The following INPP5A variants were observed in gnomAD, a reference collection of about 807,000 sequenced individuals.
INPP5A encodes the protein 43 kDa inositol polyphosphate 5-phophatase.
Under a neutral mutation model 65.2 loss-of-function variants are expected in INPP5A, and 14 were observed. That is an observed-to-expected ratio of 0.21 (90% CI 0.14 to 0.34). The LOEUF is 0.34. Among genes scored for constraint, INPP5A ranks in the 10% least tolerant of loss-of-function variants. The pLI, the probability that INPP5A is intolerant of heterozygous loss-of-function variation, is 1.00. For missense variants in INPP5A, 431 were observed against 545.6 expected, an observed-to-expected ratio of 0.79 and a Z score of 2.09; for synonymous variants, 207 against 208.3, an observed-to-expected ratio of 0.99 and a Z score of 0.05.
intron 1 of INPP5A, among the ~76,000 whole-genome samples, chr10:132,606,527 C>T (rs1373906630): frequency 1.3e-5 from 2 of 152,230 alleles, no homozygotes; most frequent in Non-Finnish European, 2.9e-5. Flanking sequence ...AGGGTGTTCT[C>T]GGCTCGGTCC....
intron 13 of INPP5A, among the ~76,000 whole-genome samples, chr10:132,780,624 C>T (rs976346762): frequency 9.2e-5 from 14 of 152,374 alleles, no homozygotes; most frequent in South Asian, 2.1e-4. Context: ...GGGCCAGGGT[C>T]AAGGTGCTGA....
chr10:132,702,816 T>C (rs1845457994), intron 6 of INPP5A, among the ~76,000 whole-genome samples: 1 of 152,182 alleles, frequency 6.6e-6, no homozygotes, highest in African/African-American at 2.4e-5. Context: ...CCATGGGCTG[T>C]CCTAGCAGAG....
At position 132,616,457 on chromosome 10, in the gene INPP5A, C is replaced by T. The variant is rs531545573; in HGVS notation, c.117+8501C>T. 6.6e-6 allele frequency among the ~76,000 whole-genome samples: 1 copy of T among 151,824 alleles called. No individual in the cohort carries two copies. The highest frequency in any genetic ancestry group is 2.1e-4 in the South Asian group (1 of 4,810). On this transcript the variant is annotated intron_variant, in intron 2 of 15. Coordinates refer to ENST00000368594, the MANE Select transcript of INPP5A (RefSeq NM_005539.5). The surrounding 1 kb of genome is among the most constrained non-coding windows in gnomAD (Gnocchi z 4.9). Reference sequence around the variant, plus strand: ...TGTGGTATTGGGAACATGGTGGTGACGCAGGATGTGGTGGTGGTGTAGAAT... The same window carrying T: ...TGTGGTATTGGGAACATGGTGGTGATGCAGGATGTGGTGGTGGTGTAGAAT...
At chr10:132,609,727 C>T (rs1259422457) in intron 2 of INPP5A, among the ~76,000 whole-genome samples, 1 of 152,344 alleles carries the variant, frequency 6.6e-6, no homozygotes, top group Admixed American at 6.5e-5. Flanking sequence ...TCACTGCAAG[C>T]TCCACCTCCC....
Position 132,707,151 on chromosome 10 carries a change from C to T in INPP5A, c.475-1162C>T, listed in dbSNP as rs1412000501. ...ACTCCAGATTCCCATCTGCTTTCATCTCCTCAGCAGACCTTAGGGTGTGGT... is the reference window on the plus strand; with the variant it reads ...ACTCCAGATTCCCATCTGCTTTCATTTCCTCAGCAGACCTTAGGGTGTGGT... On this transcript the variant is annotated intron_variant, in intron 6 of 15. Coordinates refer to ENST00000368594, the MANE Select transcript of INPP5A (RefSeq NM_005539.5). The surrounding 1 kb of genome is among the most constrained non-coding windows in gnomAD (Gnocchi z 5.5). 6.6e-6 allele frequency among the ~76,000 whole-genome samples: 1 copy of T among 152,220 alleles called. No individual in the cohort carries two copies. Among genetic ancestry groups the T allele is most frequent in the African/African-American group, 2.4e-5 (1 of 41,462 alleles).
intron 11 of INPP5A, among the ~76,000 whole-genome samples, chr10:132,751,912 C>G (rs1173665567): frequency 6.8e-6 from 1 of 147,938 alleles, no homozygotes; most frequent in African/African-American, 2.5e-5. Flanking sequence ...AGGCGGGTGC[C>G]CAGGAGGTGT....
At chr10:132,744,428 C>T (rs985154404) in intron 9 of INPP5A, among the ~76,000 whole-genome samples, 8 of 152,214 alleles carry the variant, frequency 5.3e-5, no homozygotes, top group Non-Finnish European at 8.8e-5. Context: ...TGGGACACTG[C>T]GGCTCCACCG....
chr10:132,658,532 C>T (rs1410822640), intron 4 of INPP5A, among the ~76,000 whole-genome samples: 10 of 152,186 alleles, frequency 6.6e-5, no homozygotes, highest in Admixed American at 5.9e-4. Context: ...ATTTCATGGT[C>T]GGCTCCGTGC....
chr10:132,745,469 A>C (rs956815253), intron 9 of INPP5A, among the ~76,000 whole-genome samples: 1 of 149,974 alleles, frequency 6.7e-6, no homozygotes, highest in African/African-American at 2.4e-5. Flanking sequence ...CCTGAGCTGC[A>C]CCCCTGGGAT....
chr10:132,656,042 G>A (rs2072653259), intron 4 of INPP5A, among the ~76,000 whole-genome samples: 1 of 152,254 alleles, frequency 6.6e-6, no homozygotes, highest in African/African-American at 2.4e-5. Flanking sequence ...CACTGACCGT[G>A]GCCTCTCAAA....
intron 2 of INPP5A, among the ~76,000 whole-genome samples, chr10:132,643,431 T>C (rs1366405582): frequency 2.0e-5 from 3 of 152,108 alleles, no homozygotes; most frequent in Non-Finnish European, 2.9e-5. Flanking sequence ...GCCCAGGAGT[T>C]GGAGGCTGCT....
At chr10:132,757,666 G>A (rs1015955771) in intron 11 of INPP5A, among the ~76,000 whole-genome samples, 1 of 152,256 alleles carries the variant, frequency 6.6e-6, no homozygotes, top group African/African-American at 2.4e-5. Flanking sequence ...GGCTATTGAG[G>A]GCTGGACCAC....
chr10:132,711,852 G>A (rs1017319429), intron 8 of INPP5A, among the ~76,000 whole-genome samples: 1 of 152,232 alleles, frequency 6.6e-6, no homozygotes, highest in Non-Finnish European at 1.5e-5. Flanking sequence ...AGGCACTGAG[G>A]TCTGGACCCA....
intron 4 of INPP5A, among the ~76,000 whole-genome samples, chr10:132,654,821 C>T (rs546486281): frequency 2.0e-5 from 3 of 152,348 alleles, no homozygotes; most frequent in Non-Finnish European, 2.9e-5. Context: ...CCTGAAGCTG[C>T]GCCTGGCGCG....
rs185560121 is a variant in INPP5A, at chr10:132,629,811, G to A, written c.118-16057G>A. The stretch of plus-strand genomic sequence containing the variant: ...ATCCATGAGGGAGGGTCCATGAGTG[G>A]AGGGTATCCATGAGGGAGGGGTGTC... On this transcript the variant is annotated intron_variant, in intron 2 of 15. Coordinates refer to ENST00000368594, the MANE Select transcript of INPP5A (RefSeq NM_005539.5). 1.2e-3 allele frequency among the ~76,000 whole-genome samples: 179 copies of A among 152,260 alleles called. 2 individuals carry two copies. In the East Asian group the frequency reaches 0.024, roughly 20 times the overall value.
intron 9 of INPP5A, among the ~76,000 whole-genome samples, chr10:132,742,063 C>T (rs1385569450): frequency 1.3e-5 from 2 of 152,226 alleles, no homozygotes; most frequent in African/African-American, 4.8e-5. Context: ...GCACCGGGTC[C>T]TACAGCCCTG....
At chr10:132,694,278 A>G (rs1845312872) in intron 5 of INPP5A, among the ~76,000 whole-genome samples, 2 of 152,194 alleles carry the variant, frequency 1.3e-5, no homozygotes, top group Admixed American at 6.5e-5. Context: ...TCTAAATAAC[A>G]TATGAGTCAA....
intron 4 of INPP5A, among the ~76,000 whole-genome samples, chr10:132,667,348 T>C (rs1402056607): frequency 2.6e-5 from 4 of 152,252 alleles, no homozygotes. Flanking sequence ...AAGCTCGTTC[T>C]GGAGTTAAGT....
At chr10:132,751,884 T>TGTCTGGGTGGAGGCGGGTGCCC (rs1846487178) in intron 11 of INPP5A, among the ~76,000 whole-genome samples, 5 of 40,136 alleles carry the variant, frequency 1.2e-4, no homozygotes, top group African/African-American at 3.4e-4. Context: ...GGCGGGTGCC[T>TGTCTGGGTGGAGGCGGGTGCCC]AGGAGGTGTC....
Sources: gnomAD v4.1 joint callset for allele counts (sites outside exome capture counted in the v4.1 genomes callset) on GRCh38, gnomAD v4.1.1 for gene constraint, Gnocchi (gnomAD v3.1) non-coding constraint, MANE v1.5 for transcripts, NCBI Gene and HGNC (gene_info 2026-07-23, HGNC 2026-07-21) for gene names.